PTPN2: variants seen among roughly 807,000 people sequenced by gnomAD.
The protein encoded by PTPN2 is protein tyrosine phosphatase non-receptor type 2.
PTPN2 carries 19 observed loss-of-function variants against 57.3 expected under a neutral mutation model. The ratio of observed to expected loss-of-function variants is 0.33; its 90% CI spans 0.23 to 0.49. The LOEUF (loss-of-function observed/expected upper bound fraction) is 0.49, where lower values mean the gene tolerates loss of function less well. PTPN2 is among the 20% of genes least tolerant of loss of function. The pLI, the probability that PTPN2 is intolerant of heterozygous loss-of-function variation, is 0.99. For synonymous variants in PTPN2, 153 were observed against 164.9 expected, an observed-to-expected ratio of 0.93 and a Z score of 0.55; for missense variants, 358 against 501.1, an observed-to-expected ratio of 0.71 and a Z score of 2.73.
chr18:12,823,491 C>T (rs1027273622), intron 5 of PTPN2, among the ~76,000 whole-genome samples: 1 of 151,942 alleles, frequency 6.6e-6, no homozygotes. Context: ...CTGGCCAACA[C>T]AGCGAAACCC....
chr18:12,865,031 C>T (rs1342552996), intron 1 of PTPN2, among the ~76,000 whole-genome samples: 1 of 152,116 alleles, frequency 6.6e-6, no homozygotes, highest in East Asian at 1.9e-4. Context: ...CACATAAAGT[C>T]ATCATTATAC....
intron 2 of PTPN2, among the ~76,000 whole-genome samples, chr18:12,847,651 T>TC (rs1376045376): frequency 2.6e-5 from 4 of 151,728 alleles, no homozygotes; most frequent in East Asian, 1.9e-4. Flanking sequence ...GAGTTTTTTT[T>TC]CGCTCTTGTT....
At chr18:12,816,499 G>C (rs1372086079) in intron 6 of PTPN2, among the ~76,000 whole-genome samples, 1 of 152,144 alleles carries the variant, frequency 6.6e-6, no homozygotes, top group Non-Finnish European at 1.5e-5. Flanking sequence ...AGTAAAGACA[G>C]AAGTTAGGAG....
chr18:12,799,759 G>A (rs571634398), intron 8 of PTPN2, among the ~76,000 whole-genome samples: 20 of 151,944 alleles, frequency 1.3e-4, no homozygotes, highest in African/African-American at 3.9e-4. Flanking sequence ...TTTAAAATTC[G>A]TATGTCCAAG....
intron 2 of PTPN2, among the ~76,000 whole-genome samples, chr18:12,843,523 C>T (rs2043114886): frequency 6.6e-6 from 1 of 152,172 alleles, no homozygotes; most frequent in Non-Finnish European, 1.5e-5. Context: ...CAGCTCCCTC[C>T]ACCCAGCGTA....
intron 8 of PTPN2, among the ~76,000 whole-genome samples, chr18:12,799,476 A>C (rs1449075731): frequency 6.6e-6 from 1 of 152,076 alleles, no homozygotes; most frequent in Non-Finnish European, 1.5e-5. Context: ...TTTTATGAGG[A>C]TCTTTAATGC....
At chr18:12,791,372 A>G (rs1424644935), downstream of PTPN2, among the ~76,000 whole-genome samples, 1 of 152,216 alleles carries the variant, frequency 6.6e-6, no homozygotes, top group Non-Finnish European at 1.5e-5. Flanking sequence ...GTCAAAGTAT[A>G]TATCTGACTC....
rs2041072832 is a variant in PTPN2 at position 12,794,104 on chromosome 18, G to A, written c.*174C>T. On this transcript the variant is annotated 3_prime_UTR_variant, in exon 9 of 9. Transcript: ENST00000309660. ...TACAGTTTGGGGTTCAGAGGAACCT[G>A]CAGTCAAGAGTCCTGAGATGTTGGG... is the stretch of plus-strand genomic sequence containing the variant. 2 of 1,436,260 alleles carry A rather than the reference G, an allele frequency of 1.4e-6. No individual in the cohort carries two copies. The highest frequency in any genetic ancestry group is 1.5e-5 in the South Asian group (1 of 65,536). 89.0% of individuals were successfully genotyped at this position (1,436,260 alleles called of 1,614,324 possible).
chr18:12,881,314 G>GT (rs760178280), intron 1 of PTPN2, among the ~76,000 whole-genome samples: 3 of 152,156 alleles, frequency 2.0e-5, no homozygotes, highest in African/African-American at 7.2e-5. Flanking sequence ...GTGTGTGCCT[G>GT]TAATTTCAAC....
intron 6 of PTPN2, among the ~76,000 whole-genome samples, chr18:12,816,136 T>G (rs950994504): frequency 6.6e-6 from 1 of 152,094 alleles, no homozygotes; most frequent in Non-Finnish European, 1.5e-5. Context: ...AGGCCTTGTC[T>G]CTACTAAAAA....
chr18:12,850,875 G>C (rs1317380464), intron 2 of PTPN2, among the ~76,000 whole-genome samples: 1 of 152,106 alleles, frequency 6.6e-6, no homozygotes, highest in Non-Finnish European at 1.5e-5. Context: ...GAGTAGCTGA[G>C]ATTACAGGCA....
intron 2 of PTPN2, among the ~76,000 whole-genome samples, chr18:12,848,886 T>C (rs1323359102): frequency 6.6e-6 from 1 of 152,252 alleles, no homozygotes; most frequent in Non-Finnish European, 1.5e-5. Context: ...ATGAAAGTTC[T>C]ATAGTGGCCT....
intron 3 of PTPN2, among the ~76,000 whole-genome samples, chr18:12,835,715 T>C (rs978513549): frequency 3.9e-5 from 6 of 152,166 alleles, no homozygotes; most frequent in African/African-American, 7.2e-5. Context: ...TTTCTCTAAG[T>C]AGACTTTCTT....
intron 5 of PTPN2, among the ~76,000 whole-genome samples, chr18:12,821,682 C>G (rs2042273349): frequency 6.6e-6 from 1 of 152,222 alleles, no homozygotes; most frequent in Non-Finnish European, 1.5e-5. Context: ...CACCCACCCC[C>G]ACCAAGGAAT....
intron 9 of PTPN2, chr18:12,786,601 A>T (rs553250999): frequency 6.6e-6 from 1 of 152,278 alleles, no homozygotes; most frequent in South Asian, 2.1e-4. Context: ...ACTTTTTAGG[A>T]GGTCAATGGT....
At chr18:12,863,668 A>C (rs1487928540) in intron 1 of PTPN2, 1 of 152,036 alleles carries the variant, frequency 6.6e-6, no homozygotes, top group East Asian at 1.9e-4. Flanking sequence ...GTAACAACCA[A>C]AACTCTCTCC....
At chr18:12,880,904 TTCAG>T in intron 1 of PTPN2, among the ~76,000 whole-genome samples, 1 of 152,194 alleles carries the variant, frequency 6.6e-6, no homozygotes, top group Non-Finnish European at 1.5e-5. Context: ...CTAGCTTCAT[TTCAG>T]TGTCTCGCAG....
chr18:12,841,651 A>C (rs959861279), intron 2 of PTPN2, among the ~76,000 whole-genome samples: 11 of 152,232 alleles, frequency 7.2e-5, no homozygotes, highest in Non-Finnish European at 1.3e-4. Flanking sequence ...AGCGTCTTTC[A>C]ACCCATCATG....
rs184069342 is a variant in PTPN2, at chr18:12,882,095, A to C, written c.69+1978T>G. 2.0e-5 allele frequency among the ~76,000 whole-genome samples: 3 copies of C among 152,226 alleles called. 1 individual carries two copies. The highest frequency in any genetic ancestry group is 4.8e-5 in the African/African-American group (2 of 41,454). On this transcript the variant is annotated intron_variant, in intron 1 of 8. Coordinates refer to ENST00000309660, the MANE Select transcript of PTPN2 (RefSeq NM_002828.4). ...CTGCAACTCCACTGGGGGTCCGGGC[A>C]TATTTGTGGAATGGCTGAATGGATG...
Sources: allele counts gnomAD v4.1 joint callset (sites outside exome capture counted in the v4.1 genomes callset), GRCh38; gene constraint gnomAD v4.1.1; transcripts MANE v1.5; gene names NCBI Gene and HGNC (gene_info 2026-07-23, HGNC 2026-07-21).